Variants in ADGRF1 observed in about 807,000 individuals in gnomAD.
The protein encoded by ADGRF1 is adhesion G protein-coupled receptor F1.
In ADGRF1, 85 loss-of-function variants were observed where a neutral mutation model predicts 87.2. The observed-to-expected ratio is 0.97, with a 90% CI of 0.82 to 1.17. ADGRF1 has a LOEUF of 1.17. Ranked by LOEUF, ADGRF1 falls within the 50% of genes most tolerant of loss-of-function variation. ADGRF1 has a pLI of 0.00. For missense variants in ADGRF1, 1,169 were observed against 1,077.2 expected (o/e 1.09, Z -1.19); for synonymous variants, 430 against 408.8 (o/e 1.05, Z -0.63).
At chr6:47,001,463 T>C (rs775179229) in intron 14 of ADGRF1, 38 bp downstream of exon 14, 33 of 1,555,940 alleles carry the variant, frequency 2.1e-5, no homozygotes, top group Non-Finnish European at 2.6e-5. Context: ...TATACTCTTT[T>C]CACACCTTTT....
At chr6:47,005,583 T>C (rs529454667) in intron 13 of ADGRF1, among the ~76,000 whole-genome samples, 7 of 152,184 alleles carry the variant, frequency 4.6e-5, no homozygotes, top group African/African-American at 7.2e-5. Flanking sequence ...ACTTCCATAC[T>C]TGAGCATCCT....
Position 47,027,754 on chromosome 6 carries a change from T to C in ADGRF1, c.77A>G (p.Asp26Gly), listed in dbSNP as rs917153250. The C allele has an allele frequency of 5.1e-6, 8 of 1,570,108 alleles. No individual in the cohort carries two copies. Among genetic ancestry groups the C allele is most frequent in the Admixed American group, 1.7e-5 (1 of 59,282 alleles). Residue 26 changes from aspartate (D) to glycine (G), a missense_variant, in exon 3 of 15, where the codon GAT becomes GGT. Coordinates refer to ENST00000371253, the MANE Select transcript of ADGRF1 (RefSeq NM_153840.4). ...GAGTTCTTTTTTTGTTTTGATGCCATCATTTTTCTGTTAAAAAGAAAAAAA... is the reference window on the plus strand; with the variant it reads ...GAGTTCTTTTTTTGTTTTGATGCCACCATTTTTCTGTTAAAAAGAAAAAAA... ...DGHGGFLGKN[D>G]GIKTKKELIV...
intron 10 of ADGRF1, among the ~76,000 whole-genome samples, chr6:47,011,187 T>C (rs1227374710): frequency 6.6e-6 from 1 of 152,242 alleles, no homozygotes; most frequent in African/African-American, 2.4e-5. Flanking sequence ...TGGTCTCTTG[T>C]AAACAACATG....
Position 47,012,102 on chromosome 6 carries a change from T to C in ADGRF1, c.1021A>G (p.Thr341Ala), listed in dbSNP as rs748065696. The C allele has an allele frequency of 5.1e-5, 83 of 1,613,976 alleles. 1 individual carries two copies. Among genetic ancestry groups the C allele is most frequent in the Non-Finnish European group, 6.9e-5 (81 of 1,179,978 alleles). Residue 341 changes from threonine to alanine, a missense_variant, in exon 10 of 15, where the codon ACA (threonine) becomes GCA (alanine). Coordinates refer to ENST00000371253, the MANE Select transcript of ADGRF1 (RefSeq NM_153840.4). ...ACCACCGAAGCCAGATTCCCCACTG[T>C]GGTTGATGGGTTTTGCCGAATGATG... ...SVIIRQNPST[T>A]VGNLASVVSI...
In ADGRF1 at chr6:47,012,026, AC is replaced by A; in HGVS notation, c.1096del (p.Val366CysfsTer12). On this transcript the variant is annotated frameshift_variant, in exon 10 of 15. Transcript: ENST00000371253. LOFTEE classifies it high-confidence loss of function. ...SSLSLASHFR[V>X]SNSTMEDVIS... ...CCATACCTCCATTGTTGAATTGGAC[AC>A]CCTGAAATGGCTGGCCAGTGACAGA... 1 of 1,613,758 alleles carries A rather than the reference AC, an allele frequency of 6.2e-7. No individual in the cohort carries two copies. The highest frequency in any genetic ancestry group is 8.5e-7 in the Non-Finnish European group (1 of 1,179,770).
chr6:47,009,704 G>C lies in ADGRF1; in HGVS notation c.1731C>G (p.Val577=). The C allele has an allele frequency of 6.2e-7, 1 of 1,614,156 alleles. No individual in the cohort carries two copies. The highest frequency in any genetic ancestry group is 8.5e-7 in the Non-Finnish European group (1 of 1,180,022). ...TTACAACGGGGAAGATTGTAGAGGG[G>C]ACAAAAGGTGACATCAATATGGAGA... ...TSFSILMSPF[V]PSTIFPVVKW... Residue 577 remains valine (V), a synonymous_variant, in exon 11 of 15, where the codon GTC becomes GTG. Coordinates refer to ENST00000371253, the MANE Select transcript of ADGRF1 (RefSeq NM_153840.4).
At chr6:47,012,521 T>G (rs1053997005) in intron 9 of ADGRF1, 5 of 608,396 alleles carry the variant, frequency 8.2e-6, no homozygotes, top group African/African-American at 2.0e-5. Context: ...AACTGAAACT[T>G]GCAAAGATTT....
At chr6:47,013,353 C>A (rs149409010) in intron 9 of ADGRF1, 6 of 985,548 alleles carry the variant, frequency 6.1e-6, no homozygotes, top group East Asian at 2.3e-4. Flanking sequence ...AGAATCTAAT[C>A]CCCTTCCCCA....
chr6:47,033,567 G>A (rs1476539401), intron 1 of ADGRF1, among the ~76,000 whole-genome samples: 1 of 152,260 alleles, frequency 6.6e-6, no homozygotes, highest in Admixed American at 6.5e-5. Context: ...TCCCAGTAGA[G>A]CTGTCTCTTT....
At chr6:47,033,163 A>G (rs1286501561) in intron 1 of ADGRF1, among the ~76,000 whole-genome samples, 1 of 152,182 alleles carries the variant, frequency 6.6e-6, no homozygotes, top group Non-Finnish European at 1.5e-5. Flanking sequence ...TGCTGGGGCC[A>G]GTGATGCCTG....
chr6:47,021,881 A>C, intron 6 of ADGRF1, 77 bp downstream of exon 6: 1 of 782,716 alleles, frequency 1.3e-6, no homozygotes. Flanking sequence ...TATGTATTAA[A>C]TATACATGCT....
At chr6:47,014,552 T>A in intron 9 of ADGRF1, 129 bp downstream of exon 9, 2 of 1,476,680 alleles carry the variant, frequency 1.4e-6, no homozygotes, top group South Asian at 1.4e-5. Flanking sequence ...TCTGATGTCA[T>A]CCTTGCTCTT....
At chr6:47,023,181 T>C (rs1780118735) in intron 5 of ADGRF1, among the ~76,000 whole-genome samples, 1 of 152,202 alleles carries the variant, frequency 6.6e-6, no homozygotes. Context: ...TGTATTACAG[T>C]CTGGCCTCTA....
chr6:47,031,353 C>CTCTCTG (rs1780424113), intron 1 of ADGRF1, among the ~76,000 whole-genome samples: 1 of 59,806 alleles, frequency 1.7e-5, no homozygotes, highest in East Asian at 8.1e-4. Context: ...CTCTCTCTGT[C>CTCTCTG]TCTCTCTCTC....
chr6:47,015,209 C>T (rs553090773), intron 8 of ADGRF1, among the ~76,000 whole-genome samples: 17 of 152,314 alleles, frequency 1.1e-4, no homozygotes, highest in Non-Finnish European at 2.2e-4. Flanking sequence ...AGACAATTTT[C>T]CAGACACTAT....
intron 1 of ADGRF1, among the ~76,000 whole-genome samples, chr6:47,031,351 GTCTCTC>G (rs374462680): frequency 0.015 from 1,713 of 110,728 alleles, 26 homozygotes; most frequent in African/African-American, 0.048. Flanking sequence ...CTCTCTCTCT[GTCTCTC>G]TCTCTCTCTC....
chr6:47,031,969 C>T (rs368179832), intron 1 of ADGRF1, among the ~76,000 whole-genome samples: 199 of 152,156 alleles, frequency 1.3e-3, no homozygotes, highest in African/African-American at 4.3e-3. Flanking sequence ...CCTCAGCTTC[C>T]AAAGTGGGAC....
chr6:47,018,666 CT>C, intron 7 of ADGRF1: 1 of 1,191,470 alleles, frequency 8.4e-7, no homozygotes, highest in South Asian at 1.3e-5. Flanking sequence ...AATCCCAGCA[CT>C]TTGGGAGGCC....
chr6:47,005,753 A>G lies in ADGRF1; in HGVS notation c.2592+64T>C, dbSNP rs1391840814. On this transcript the variant is annotated intron_variant, in intron 13 of 14. Coordinates refer to ENST00000371253, the MANE Select transcript of ADGRF1 (RefSeq NM_153840.4). ...AGAAGTTGGCTTGCAGCAAGACTGTATAAAGAGAAGAATGCAAAACTGGAA... is the reference window on the plus strand; with the variant it reads ...AGAAGTTGGCTTGCAGCAAGACTGTGTAAAGAGAAGAATGCAAAACTGGAA... The G allele has an allele frequency of 4.2e-6, 5 of 1,203,632 alleles. 1 individual carries two copies. Among genetic ancestry groups the G allele is most frequent in the Non-Finnish European group, 2.4e-6 (2 of 822,170 alleles). The allele number at this position is 1,203,632 out of a possible 1,614,324, so 74.6% of individuals were successfully genotyped here.
Sources: allele counts gnomAD v4.1 joint callset (sites outside exome capture counted in the v4.1 genomes callset), GRCh38; gene constraint gnomAD v4.1.1; transcripts MANE v1.5; gene names NCBI Gene and HGNC (gene_info 2026-07-23, HGNC 2026-07-21).